The following XG variants were observed in gnomAD, a reference collection of about 807,000 sequenced individuals.
XG encodes Xg glycoprotein (Xg blood group).
Under a neutral mutation model 25.7 loss-of-function variants are expected in XG, and 24 were observed. The ratio of observed to expected loss-of-function variants is 0.93; its 90% CI spans 0.68 to 1.31. The LOEUF is 1.31. XG is among the 40% of genes most tolerant of loss of function. The pLI, the probability that XG is intolerant of heterozygous loss-of-function variation, is 0.00. For missense variants in XG, 181 were observed against 187.6 expected, an observed-to-expected ratio of 0.96 and a Z score of 0.21; for synonymous variants, 77 against 69.2, an observed-to-expected ratio of 1.11 and a Z score of -0.56.
intron 1 of XG, among the ~76,000 whole-genome samples, chrX:2,757,991 A>C (rs2050473609): frequency 7.3e-6 from 1 of 137,798 alleles, no homozygotes; most frequent in East Asian, 2.3e-4. Flanking sequence ...AAAAAAAAAA[A>C]AAAAAGGAAA....
intron 1 of XG, among the ~76,000 whole-genome samples, chrX:2,769,243 T>C (rs1462355259): frequency 6.6e-6 from 1 of 152,138 alleles, no homozygotes; most frequent in African/African-American, 2.4e-5. Flanking sequence ...AGACCGATTT[T>C]TGGGAGGGAG....
Position 2,791,352 on chromosome X carries a change from C to T in XG, c.253+1646C>T, listed in dbSNP as rs369651731. On this transcript the variant is annotated intron_variant, in intron 5 of 10. Coordinates refer to ENST00000644266, the MANE Select transcript of XG (RefSeq NM_001141919.2). The stretch of plus-strand genomic sequence containing the variant: ...TCCCCTGATTGTGATTGTTTCAGGA[C>T]GTTGCTTGGATGTTGTCATATTCCT... Among the ~76,000 whole-genome samples, 46 of 111,686 alleles carry T rather than the reference C, an allele frequency of 4.1e-4. 1 individual carries two copies. The highest frequency in any genetic ancestry group is 1.3e-4 in the African/African-American group (4 of 30,828).
chrX:2,779,851 T>C (rs1052935982), intron 3 of XG, among the ~76,000 whole-genome samples: 1 of 152,050 alleles, frequency 6.6e-6, no homozygotes, highest in Non-Finnish European at 1.5e-5. Context: ...TTAACCATGT[T>C]GTCCAGGCTG....
chrX:2,807,574 A>T (rs1305855322), intron 8 of XG, among the ~76,000 whole-genome samples: 1 of 111,627 alleles, frequency 9.0e-6, no homozygotes, highest in Non-Finnish European at 1.9e-5. Flanking sequence ...ATTGTGCTTT[A>T]TATGTGCTTT....
At chrX:2,761,093 G>A (rs1169624488) in intron 1 of XG, among the ~76,000 whole-genome samples, 1 of 152,162 alleles carries the variant, frequency 6.6e-6, no homozygotes, top group African/African-American at 2.4e-5. Flanking sequence ...GGGTTGAATT[G>A]TGCGTCTCCA....
At chrX:2,786,075 G>T (rs1424806219) in intron 4 of XG, among the ~76,000 whole-genome samples, 1 of 109,695 alleles carries the variant, frequency 9.1e-6, no homozygotes, top group Non-Finnish European at 1.9e-5. Context: ...TGATCTGGAG[G>T]AACCCAAAAT....
Position 2,812,614 on chromosome X carries a change from G to A in XG, c.571+1162G>A, listed in dbSNP as rs1184806363. Among the ~76,000 whole-genome samples, 5 of 111,788 alleles carry A rather than the reference G, an allele frequency of 4.5e-5. No individual in the cohort carries two copies. The Admixed American group carries it at 4.8e-4, about 11-fold the overall frequency. On this transcript the variant is annotated intron_variant, in intron 10 of 10. Coordinates refer to ENST00000644266, the MANE Select transcript of XG (RefSeq NM_001141919.2). ...ATGCGCTCCCTCTGCTGGTGAATGG[G>A]CAGTATCAACCGTTAGCTAATGAAC...
intron 7 of XG, among the ~76,000 whole-genome samples, chrX:2,797,685 G>A (rs1210440481): frequency 9.0e-6 from 1 of 110,632 alleles, no homozygotes; most frequent in Non-Finnish European, 1.9e-5. Flanking sequence ...AAACTGGAGA[G>A]CATCCAACAA....
intron 4 of XG, among the ~76,000 whole-genome samples, chrX:2,785,513 C>CA (rs1359465092): frequency 1.9e-4 from 21 of 110,715 alleles, no homozygotes; most frequent in Non-Finnish European, 3.2e-4. Context: ...ATCTGACTAA[C>CA]TTTTTTTTTC....
rs1171973718 is a variant in XG, at chrX:2,762,100, G to C, written c.62-8450G>C. On this transcript the variant is annotated intron_variant, in intron 1 of 10. Transcript: ENST00000644266. ...CGTGTGCATGCCACTCTGGGAAGAC[G>C]GGTTTATAACACACCGTCAACCAGT... 3.9e-5 allele frequency among the ~76,000 whole-genome samples: 6 copies of C among 152,122 alleles called. No homozygotes were observed. The South Asian group carries it at 1.2e-3, about 31-fold the overall frequency.
intron 3 of XG, among the ~76,000 whole-genome samples, chrX:2,778,388 TA>T (rs774706484): frequency 1.3e-5 from 2 of 151,500 alleles, no homozygotes; most frequent in Non-Finnish European, 2.9e-5. Flanking sequence ...ACAAAAAAAT[TA>T]AAAAAAATTA....
At chrX:2,798,369 C>CT (rs748928232) in intron 7 of XG, among the ~76,000 whole-genome samples, 7,821 of 83,752 alleles carry the variant, frequency 0.093, 472 homozygotes, top group East Asian at 0.21. Flanking sequence ...ACCATCTTTT[C>CT]TTTTTTTTTT....
At chrX:2,798,369 CTT>C (rs748928232) in intron 7 of XG, among the ~76,000 whole-genome samples, 5,677 of 83,529 alleles carry the variant, frequency 0.068, 410 homozygotes, top group African/African-American at 0.24. Context: ...ACCATCTTTT[CTT>C]TTTTTTTTTT....
intron 5 of XG, among the ~76,000 whole-genome samples, chrX:2,793,244 A>G (rs1162380165): frequency 8.9e-6 from 1 of 111,811 alleles, no homozygotes; most frequent in Non-Finnish European, 1.9e-5. Context: ...TAGAGTGACA[A>G]TGGTGCACAT....
At chrX:2,784,843 C>CATG in intron 4 of XG, among the ~76,000 whole-genome samples, 1 of 112,345 alleles carries the variant, frequency 8.9e-6, no homozygotes, top group African/African-American at 3.2e-5. Flanking sequence ...ACACTGATGC[C>CATG]TTTAACATGG....
chrX:2,785,600 A>G (rs1569039221), intron 4 of XG, among the ~76,000 whole-genome samples: 1 of 111,201 alleles, frequency 9.0e-6, no homozygotes, highest in East Asian at 2.8e-4. Flanking sequence ...ACATCAGAAC[A>G]TGGAGTATTT....
intron 4 of XG, among the ~76,000 whole-genome samples, chrX:2,783,052 C>CA (rs760961815): frequency 1.1e-3 from 117 of 111,227 alleles, no homozygotes; most frequent in Middle Eastern, 4.6e-3. Flanking sequence ...ATCATTTCCT[C>CA]AGTCATAATT....
chrX:2,808,806 T>C (rs1264982843), intron 9 of XG, among the ~76,000 whole-genome samples: 1 of 111,193 alleles, frequency 9.0e-6, no homozygotes, highest in Non-Finnish European at 1.9e-5. Flanking sequence ...GAGTTTTCAA[T>C]TATGGGGGAG....
chrX:2,752,043 C>T lies in XG; in HGVS notation c.-232C>T, dbSNP rs181672355. 402 of 591,620 alleles carry T rather than the reference C, an allele frequency of 6.8e-4. 2 individuals carry two copies. Among genetic ancestry groups the T allele is most frequent in the African/African-American group, 6.7e-3 (361 of 54,264 alleles). 36.6% of individuals were successfully genotyped at this position (591,620 alleles called of 1,614,324 possible). ...GCCCGGGGAGGCTGGCTCCGACACA[C>T]GACTGAGTGTGCCTACACTGGTCCC... On this transcript the variant is annotated 5_prime_UTR_variant, in exon 1 of 11. It adds an upstream start codon to the 5' untranslated region. Coordinates refer to ENST00000644266, the MANE Select transcript of XG (RefSeq NM_001141919.2).
Sources: gnomAD v4.1 joint callset for allele counts (sites outside exome capture counted in the v4.1 genomes callset) on GRCh38, gnomAD v4.1.1 for gene constraint, MANE v1.5 for transcripts, NCBI Gene and HGNC (gene_info 2026-07-23, HGNC 2026-07-21) for gene names.